Variants in C17orf99 observed in about 807,000 individuals in gnomAD.
C17orf99 encodes the protein chromosome 17 open reading frame 99.
C17orf99 carries 18 observed loss-of-function variants against 22.6 expected under a neutral mutation model. The observed-to-expected ratio is 0.80, with a 90% CI of 0.55 to 1.18. C17orf99 has a LOEUF of 1.18. Ranked by LOEUF, C17orf99 falls within the 50% of genes most tolerant of loss-of-function variation. C17orf99 has a pLI of 0.00. For synonymous variants in C17orf99, 147 were observed against 136.6 expected (o/e 1.08, Z -0.53); for missense variants, 328 against 342.7 (o/e 0.96, Z 0.34).
At chr17:78,161,284 G>A (rs2075574705) in intron 3 of C17orf99, 30 bp downstream of exon 3, 1 of 1,536,478 alleles carries the variant, frequency 6.5e-7, no homozygotes, top group Non-Finnish European at 8.8e-7. Context: ...CAGGGCTGAG[G>A]AGGCAGGTGG....
chr17:78,149,766 G>A (rs1230815084), intron 2 of C17orf99, among the ~76,000 whole-genome samples: 6 of 151,582 alleles, frequency 4.0e-5, no homozygotes, highest in Non-Finnish European at 8.8e-5. Context: ...CTGGAGTGCA[G>A]TGGTGCAATC....
At chr17:78,159,669 C>T (rs899931318) in intron 2 of C17orf99, among the ~76,000 whole-genome samples, 3 of 151,852 alleles carry the variant, frequency 2.0e-5, no homozygotes, top group Non-Finnish European at 1.5e-5. Context: ...TATCTAGTTC[C>T]GAGAGATTTT....
intron 3 of C17orf99, among the ~76,000 whole-genome samples, chr17:78,162,525 C>A (rs551704785): frequency 6.6e-6 from 1 of 152,120 alleles, no homozygotes; most frequent in South Asian, 2.1e-4. Flanking sequence ...GAAAAGACAG[C>A]CTAGGGGAGA....
intron 2 of C17orf99, among the ~76,000 whole-genome samples, chr17:78,152,081 C>T (rs1333523912): frequency 5.9e-5 from 9 of 152,132 alleles, no homozygotes; most frequent in African/African-American, 1.9e-4. Flanking sequence ...CTTCCTGTCC[C>T]GAGGGCAGCC....
At chr17:78,158,013 A>G in intron 2 of C17orf99, 1 of 1,365,052 alleles carries the variant, frequency 7.3e-7, no homozygotes. Flanking sequence ...AATGACTTCC[A>G]GCTGATTGGC....
At chr17:78,151,576 C>T (rs1486446480) in intron 2 of C17orf99, among the ~76,000 whole-genome samples, 9 of 152,130 alleles carry the variant, frequency 5.9e-5, no homozygotes, top group South Asian at 2.1e-4. Flanking sequence ...CGCGGGAGCA[C>T]CTGCTCCTGG....
At chr17:78,150,442 G>A (rs568769545) in intron 2 of C17orf99, among the ~76,000 whole-genome samples, 2 of 152,266 alleles carry the variant, frequency 1.3e-5, no homozygotes, top group Non-Finnish European at 2.9e-5. Context: ...CTGTGCCAGT[G>A]TGTTTTGAAA....
intron 2 of C17orf99, 151 bp from the exon 3 acceptor site, chr17:78,160,804 A>C: frequency 1.6e-6 from 1 of 640,254 alleles, no homozygotes. Context: ...ACTGGTTTTG[A>C]ACTCCTGACC....
chr17:78,160,401 T>G (rs922557459), intron 2 of C17orf99, among the ~76,000 whole-genome samples: 1 of 151,862 alleles, frequency 6.6e-6, no homozygotes, highest in Non-Finnish European at 1.5e-5. Context: ...CCAGGCGTGG[T>G]GGCACGCGCC....
rs142454271 is a variant in C17orf99 at position 78,153,667 on chromosome 17, A to G, written c.70+6756A>G. Among the ~76,000 whole-genome samples, 26 of 152,234 alleles carry G rather than the reference A, an allele frequency of 1.7e-4. No individual in the cohort carries two copies. The East Asian group carries it at 4.3e-3, about 25-fold the overall frequency. ...TCCCTTCGCAAAGGGAACAAAAAGA[A>G]AGGGTGATCGCGTGTCAGCCCTGGA... On this transcript the variant is annotated intron_variant, in intron 2 of 4. Transcript: ENST00000340363.
At position 78,146,978 on chromosome 17, in the gene C17orf99, G is replaced by A. The variant is rs945632017; in HGVS notation, c.70+67G>A. The A allele has an allele frequency of 2.5e-5, 35 of 1,417,698 alleles. No homozygotes were observed. The highest frequency in any genetic ancestry group is 3.2e-5 in the Non-Finnish European group (33 of 1,025,360). 87.8% of individuals were successfully genotyped at this position (1,417,698 alleles called of 1,614,324 possible). A position where few individuals can be genotyped will look rare whatever the true frequency, so the allele number is the denominator to read the frequency against. ...GGACCCTGGTGTCAGAACCCCCATG[G>A]TGGAGGGCGCCTCGGCTGGGAAGGG... On this transcript the variant is annotated intron_variant, in intron 2 of 4. Transcript: ENST00000340363. This position sits in a 1 kb window ranked among gnomAD's most constrained non-coding sequence, Gnocchi z 5.2.
At position 78,154,602 on chromosome 17, in the gene C17orf99, G is replaced by C. The variant is rs556867053; in HGVS notation, c.71-6353G>C. Among the ~76,000 whole-genome samples, 94 of 131,170 alleles carry C rather than the reference G, an allele frequency of 7.2e-4. 1 individual carries two copies. In the Middle Eastern group the frequency reaches 0.016, roughly 22 times the overall value. 86.1% of individuals were successfully genotyped at this position (131,170 alleles called of 152,430 possible). On this transcript the variant is annotated intron_variant, in intron 2 of 4. Coordinates refer to ENST00000340363, the MANE Select transcript of C17orf99 (RefSeq NM_001163075.2). ...TCACACCTGTAATCCCAGCACTTTGGGGGGCTGAGGCAGGTGGATCACCTG... is the reference window on the plus strand; with the variant it reads ...TCACACCTGTAATCCCAGCACTTTGCGGGGCTGAGGCAGGTGGATCACCTG...
intron 2 of C17orf99, among the ~76,000 whole-genome samples, chr17:78,153,013 A>T (rs976829343): frequency 2.6e-5 from 4 of 152,076 alleles, no homozygotes; most frequent in African/African-American, 9.6e-5. Flanking sequence ...ACAGGGAGGC[A>T]GAGGTTGCAG....
rs570423036 is a variant in C17orf99, at chr17:78,164,625, A to G, written c.640+261A>G. On this transcript the variant is annotated intron_variant, in intron 4 of 4. Transcript: ENST00000340363. ...TGGCAGCCTTGCCTCCACTGCGGCC[A>G]TCACCTCCAGGATGCTGGGCTGGAC... is the stretch of plus-strand genomic sequence containing the variant. 8.3e-5 allele frequency: 124 copies of G among 1,499,938 alleles called. No homozygotes were observed. In the East Asian group the frequency reaches 2.3e-3, roughly 28 times the overall value. 92.9% of individuals were successfully genotyped at this position (1,499,938 alleles called of 1,614,324 possible). A position where few individuals can be genotyped will look rare whatever the true frequency, so the allele number is the denominator to read the frequency against.
At chr17:78,148,930 A>C (rs2075456470) in intron 2 of C17orf99, among the ~76,000 whole-genome samples, 1 of 152,114 alleles carries the variant, frequency 6.6e-6, no homozygotes, top group African/African-American at 2.4e-5. Context: ...CAGAGGAGAG[A>C]CTGGGCAATG....
At chr17:78,156,917 A>G (rs1436673606) in intron 2 of C17orf99, among the ~76,000 whole-genome samples, 1 of 140,976 alleles carries the variant, frequency 7.1e-6, no homozygotes, top group East Asian at 1.9e-4. Flanking sequence ...GCCTGGACAC[A>G]TTTTGTTTAT....
intron 2 of C17orf99, among the ~76,000 whole-genome samples, chr17:78,156,855 C>T (rs536152760): frequency 4.6e-5 from 7 of 152,116 alleles, no homozygotes; most frequent in South Asian, 2.1e-4. Flanking sequence ...TCAAGCAATC[C>T]GTCCACCTCA....
At chr17:78,147,126 C>T (rs1311032330) in intron 2 of C17orf99, among the ~76,000 whole-genome samples, 2 of 152,198 alleles carry the variant, frequency 1.3e-5, no homozygotes, top group Non-Finnish European at 2.9e-5. Context: ...TGGGGACCTC[C>T]GGGGCACACA....
intron 2 of C17orf99, among the ~76,000 whole-genome samples, chr17:78,152,309 C>T (rs2075490172): frequency 6.7e-6 from 1 of 149,844 alleles, no homozygotes. Context: ...TCCTGAGTAG[C>T]TGGTGCATAC....
Sources: gnomAD v4.1 joint callset for allele counts (sites outside exome capture counted in the v4.1 genomes callset) on GRCh38, gnomAD v4.1.1 for gene constraint, Gnocchi (gnomAD v3.1) non-coding constraint, MANE v1.5 for transcripts, NCBI Gene and HGNC (gene_info 2026-07-23, HGNC 2026-07-21) for gene names.